IFT43: variants seen among roughly 807,000 people sequenced by gnomAD.
The protein encoded by IFT43 is intraflagellar transport protein 43 homolog.
IFT43 carries 33 observed loss-of-function variants against 32.3 expected under a neutral mutation model. That is an observed-to-expected ratio of 1.02 (90% CI 0.77 to 1.37). The LOEUF (loss-of-function observed/expected upper bound fraction) is 1.37, where lower values mean the gene tolerates loss of function less well. Among genes scored for constraint, IFT43 ranks in the 40% most tolerant of loss-of-function variants. The probability of loss-of-function intolerance (pLI) is 0.00; values close to 1 mark genes in which losing one functional copy is unlikely to be tolerated. For synonymous variants in IFT43, 93 were observed against 98.2 expected (o/e 0.95, Z 0.31); for missense variants, 274 against 265.9 (o/e 1.03, Z -0.21).
chr14:76,067,373 C>A (rs1190957177), intron 5 of IFT43, among the ~76,000 whole-genome samples: 1 of 152,026 alleles, frequency 6.6e-6, no homozygotes, highest in Non-Finnish European at 1.5e-5. Context: ...TGAGACCAAC[C>A]TGGCCAACAT....
intron 5 of IFT43, among the ~76,000 whole-genome samples, chr14:76,079,149 A>G (rs75304991): frequency 0.015 from 2,256 of 152,334 alleles, 56 homozygotes; most frequent in African/African-American, 0.047. Flanking sequence ...AAGAAAGCCC[A>G]TGTGGGGCAT....
intron 3 of IFT43, among the ~76,000 whole-genome samples, chr14:76,049,644 T>G (rs1221734067): frequency 6.6e-6 from 1 of 152,122 alleles, no homozygotes; most frequent in African/African-American, 2.4e-5. Flanking sequence ...TGGCAGACAT[T>G]TGGGGAACAC....
intron 3 of IFT43, among the ~76,000 whole-genome samples, chr14:76,037,691 G>GTTT (rs34567798): frequency 0.013 from 1,937 of 146,796 alleles, 20 homozygotes; most frequent in African/African-American, 0.032. Context: ...CTCATTCTCT[G>GTTT]TTTTTTTTTT....
At chr14:76,000,493 C>T (rs575929010) in intron 2 of IFT43, among the ~76,000 whole-genome samples, 4 of 151,524 alleles carry the variant, frequency 2.6e-5, no homozygotes, top group Admixed American at 1.3e-4. Flanking sequence ...AGGATTGTCT[C>T]GATCTCCTGA....
chr14:76,060,976 A>G (rs775730749), intron 5 of IFT43, among the ~76,000 whole-genome samples: 6 of 150,870 alleles, frequency 4.0e-5, no homozygotes, highest in Non-Finnish European at 7.4e-5. Context: ...TCTTGGGCCC[A>G]CTGCAACCTC....
intron 2 of IFT43, among the ~76,000 whole-genome samples, chr14:75,996,254 G>A (rs1028642512): frequency 3.3e-5 from 5 of 152,184 alleles, no homozygotes; most frequent in Non-Finnish European, 7.3e-5. Flanking sequence ...AAAGATGATC[G>A]TTTTGTCTTT....
At chr14:76,058,148 C>T (rs2037058344) in intron 3 of IFT43, 2 of 216,576 alleles carry the variant, frequency 9.2e-6, no homozygotes, top group Admixed American at 1.1e-4. Context: ...CCCACCATCA[C>T]TCAGAAGGTC....
chr14:76,022,589 T>C (rs768909672), intron 3 of IFT43, 195 bp downstream of exon 3: 1 of 424,008 alleles, frequency 2.4e-6, no homozygotes, highest in Non-Finnish European at 4.3e-6. Flanking sequence ...ACACAATCAA[T>C]TTTACAACAT....
At chr14:75,996,017 C>T (rs1013129220) in intron 2 of IFT43, among the ~76,000 whole-genome samples, 3 of 152,208 alleles carry the variant, frequency 2.0e-5, no homozygotes, top group Non-Finnish European at 4.4e-5. Context: ...TTGAGATTCT[C>T]CGCCAGCACT....
At chr14:76,041,840 T>G (rs1005870293) in intron 3 of IFT43, among the ~76,000 whole-genome samples, 1 of 152,230 alleles carries the variant, frequency 6.6e-6, no homozygotes, top group Non-Finnish European at 1.5e-5. Context: ...TAGAGATGTT[T>G]TAGTACACGT....
In IFT43 at chr14:76,022,402, C is replaced by T. The variant is rs2036309695; in HGVS notation, c.215+8C>T. 2 of 1,557,088 alleles carry T rather than the reference C, an allele frequency of 1.3e-6. No individual in the cohort carries two copies. The highest frequency in any genetic ancestry group is 1.4e-5 in the African/African-American group (1 of 73,662). Reference sequence around the variant, plus strand: ...TTCCGTGAAGGCTTCGAAGTGAGTACCAGCAGCTCATAAGAGTATGGGTGG... The same window carrying T: ...TTCCGTGAAGGCTTCGAAGTGAGTATCAGCAGCTCATAAGAGTATGGGTGG... On this transcript the variant is annotated splice_region_variant and intron_variant, in intron 3 of 8. Coordinates refer to ENST00000314067, the MANE Select transcript of IFT43 (RefSeq NM_001102564.3).
At chr14:76,075,517 T>G (rs1301663054) in intron 5 of IFT43, among the ~76,000 whole-genome samples, 1 of 152,232 alleles carries the variant, frequency 6.6e-6, no homozygotes, top group Non-Finnish European at 1.5e-5. Flanking sequence ...AAAAATTATT[T>G]ATACGATTGA....
At chr14:76,060,610 A>G (rs2037112871) in intron 5 of IFT43, among the ~76,000 whole-genome samples, 1 of 127,550 alleles carries the variant, frequency 7.8e-6, no homozygotes, top group Middle Eastern at 3.8e-3. Flanking sequence ...TCTATCTGGC[A>G]TCAGTTTCCT....
At chr14:76,072,757 C>T (rs2140082478) in intron 5 of IFT43, among the ~76,000 whole-genome samples, 2 of 152,212 alleles carry the variant, frequency 1.3e-5, no homozygotes, top group Middle Eastern at 6.8e-3. Context: ...GTTAAATCTC[C>T]CCAGAATCAT....
At chr14:76,058,970 G>A (rs941929140) in intron 4 of IFT43, 8 of 1,434,300 alleles carry the variant, frequency 5.6e-6, no homozygotes, top group Non-Finnish European at 7.3e-6. Context: ...ATGGGCAGAA[G>A]CAATACCAGC....
chr14:76,028,674 G>A (rs1469021538), intron 3 of IFT43, among the ~76,000 whole-genome samples: 1 of 151,950 alleles, frequency 6.6e-6, no homozygotes, highest in Non-Finnish European at 1.5e-5. Context: ...TATGTGCCCA[G>A]GATTTAGCTC....
chr14:76,037,980 G>C (rs2036633673), intron 3 of IFT43: 1 of 152,194 alleles, frequency 6.6e-6, no homozygotes, highest in East Asian at 1.9e-4. Context: ...TTGACCTTCA[G>C]ATTTTCATTG....
intron 5 of IFT43, among the ~76,000 whole-genome samples, chr14:76,065,460 A>G (rs1250627818): frequency 1.3e-5 from 2 of 152,168 alleles, no homozygotes; most frequent in Non-Finnish European, 2.9e-5. Context: ...GAACATTCCC[A>G]TCACCCAGAA....
chr14:76,079,500 G>A lies in IFT43; in HGVS notation c.296-2795G>A, dbSNP rs148831069. Among the ~76,000 whole-genome samples, 131 of 152,266 alleles carry A rather than the reference G, an allele frequency of 8.6e-4. 1 individual carries two copies. The highest frequency in any genetic ancestry group is 1.5e-3 in the Non-Finnish European group (103 of 68,020). ...ATAGAGAGAAAAAGTCACACAACTA[G>A]TAGGTCGTGGAGCCGGGATTTGGAG... is the stretch of plus-strand genomic sequence containing the variant. On this transcript the variant is annotated intron_variant, in intron 5 of 8. Coordinates refer to ENST00000314067, the MANE Select transcript of IFT43 (RefSeq NM_001102564.3).
Sources: gnomAD v4.1 joint callset for allele counts (sites outside exome capture counted in the v4.1 genomes callset) on GRCh38, gnomAD v4.1.1 for gene constraint, MANE v1.5 for transcripts, NCBI Gene and HGNC (gene_info 2026-07-23, HGNC 2026-07-21) for gene names.